The following PRKAR2A variants were observed in gnomAD, a reference collection of about 807,000 sequenced individuals.
The protein encoded by PRKAR2A is protein kinase cAMP-dependent type II regulatory subunit alpha.
A neutral mutation model predicts 51.9 loss-of-function variants in PRKAR2A; 29 were observed. The observed-to-expected ratio is 0.56, with a 90% CI of 0.42 to 0.76. The LOEUF is 0.76. PRKAR2A is among the 30% of genes least tolerant of loss of function. The pLI is 0.00. For missense variants in PRKAR2A, 445 were observed against 512.1 expected (o/e 0.87, Z 1.26); for synonymous variants, 178 against 186.2 (o/e 0.96, Z 0.36).
At chr3:48,845,402 G>A (rs1028562146) in intron 1 of PRKAR2A, among the ~76,000 whole-genome samples, 3 of 152,134 alleles carry the variant, frequency 2.0e-5, no homozygotes, top group Non-Finnish European at 4.4e-5. Context: ...AGCAATGACC[G>A]TTAATTAACT....
At chr3:48,785,417 G>A (rs1339518347) in intron 4 of PRKAR2A, among the ~76,000 whole-genome samples, 2 of 152,078 alleles carry the variant, frequency 1.3e-5, no homozygotes, top group Non-Finnish European at 2.9e-5. Flanking sequence ...GTGCCACCAT[G>A]CCCAGCTAAT....
intron 1 of PRKAR2A, among the ~76,000 whole-genome samples, chr3:48,808,498 C>T (rs1217792517): frequency 1.3e-5 from 2 of 152,162 alleles, no homozygotes; most frequent in Non-Finnish European, 2.9e-5. Context: ...CATGATCCAC[C>T]CACCTTGGCC....
chr3:48,791,285 T>TAAAA (rs35380085), intron 3 of PRKAR2A, among the ~76,000 whole-genome samples: 1 of 43,746 alleles, frequency 2.3e-5, no homozygotes, highest in Non-Finnish European at 4.3e-5. Flanking sequence ...GATTCCATCT[T>TAAAA]AAAAAAAAAA....
chr3:48,748,366 T>C lies in PRKAR2A; in HGVS notation c.*3219A>G, dbSNP rs1408590235. 6.7e-6 allele frequency: 1 copy of C among 150,210 alleles called. No individual in the cohort carries two copies. The highest frequency in any genetic ancestry group is 1.5e-5 in the Non-Finnish European group (1 of 67,736). 9.3% of individuals were successfully genotyped at this position (150,210 alleles called of 1,614,324 possible). On this transcript the variant is annotated 3_prime_UTR_variant, in exon 11 of 11. Transcript: ENST00000265563. ...CCAGGATGGTTTGGAACTCCTGGGCTCAAGCAATCCTCCCACTTTGGCTTC... is the reference window on the plus strand; with the variant it reads ...CCAGGATGGTTTGGAACTCCTGGGCCCAAGCAATCCTCCCACTTTGGCTTC...
At chr3:48,805,607 T>C (rs1463508923) in intron 2 of PRKAR2A, among the ~76,000 whole-genome samples, 1 of 152,304 alleles carries the variant, frequency 6.6e-6, no homozygotes, top group South Asian at 2.1e-4. Flanking sequence ...GGGATAATCA[T>C]GGTATGGGCC....
At position 48,768,348 on chromosome 3, in the gene PRKAR2A, C is replaced by T. The variant is rs1290217039; in HGVS notation, c.697-2999G>A. ...AGATAGATAGATAGATAGATATAGA[C>T]AGACAGAGAGACAGACAGACAGACA... is the stretch of plus-strand genomic sequence containing the variant. On this transcript the variant is annotated intron_variant, in intron 6 of 10. Transcript: ENST00000265563. Among the ~76,000 whole-genome samples, 194 of 137,994 alleles carry T rather than the reference C, an allele frequency of 1.4e-3. 3 individuals carry two copies. The South Asian group carries it at 0.038, about 27-fold the overall frequency. 90.5% of individuals were successfully genotyped at this position (137,994 alleles called of 152,430 possible).
At chr3:48,831,424 T>C (rs1215107457) in intron 1 of PRKAR2A, among the ~76,000 whole-genome samples, 1 of 141,494 alleles carries the variant, frequency 7.1e-6, no homozygotes. Context: ...TAGAGTGCAA[T>C]GGCATGATCA....
At chr3:48,754,241 CTT>C (rs1195616357) in intron 9 of PRKAR2A, among the ~76,000 whole-genome samples, 12 of 125,106 alleles carry the variant, frequency 9.6e-5, no homozygotes, top group South Asian at 2.6e-4. Flanking sequence ...CTACTTTTTT[CTT>C]TTTTTTTTTT....
Position 48,748,854 on chromosome 3 carries a change from T to C in PRKAR2A, c.*2731A>G, listed in dbSNP as rs1207248710. 1.3e-5 allele frequency: 2 copies of C among 152,230 alleles called. No individual in the cohort carries two copies. Among genetic ancestry groups the C allele is most frequent in the African/African-American group, 4.8e-5 (2 of 41,460 alleles). 9.4% of individuals were successfully genotyped at this position (152,230 alleles called of 1,614,324 possible). ...CTCAGAAAAATATGGGGTCACCACATGGGCTTTCCCAGTGCTAGCTGCCTG... is the reference window on the plus strand; with the variant it reads ...CTCAGAAAAATATGGGGTCACCACACGGGCTTTCCCAGTGCTAGCTGCCTG... On this transcript the variant is annotated 3_prime_UTR_variant, in exon 11 of 11. Coordinates refer to ENST00000265563, the MANE Select transcript of PRKAR2A (RefSeq NM_004157.4).
In PRKAR2A at chr3:48,771,490, C is replaced by T. The variant is rs935619335; in HGVS notation, c.696+1465G>A. On this transcript the variant is annotated intron_variant, in intron 6 of 10. Transcript: ENST00000265563. ...CACCAAAAACAATGTTATTTAATTT[C>T]TAAGTGTCTGGAGATCTGTTATTGA... 1.1e-4 allele frequency among the ~76,000 whole-genome samples: 16 copies of T among 152,140 alleles called. No homozygotes were observed. The East Asian group carries it at 3.1e-3, about 29-fold the overall frequency.
At chr3:48,745,174 CTTTT>C (rs111854982), downstream of PRKAR2A, among the ~76,000 whole-genome samples, 1 of 128,118 alleles carries the variant, frequency 7.8e-6, no homozygotes, top group Admixed American at 7.9e-5. Context: ...CGCACCCAGC[CTTTT>C]TTTTTTTTTT....
rs760883553 is a variant in PRKAR2A at position 48,840,567 on chromosome 3, C to CTT, written c.262+6766_262+6767dup. Among the ~76,000 whole-genome samples, 108 of 69,532 alleles carry CTT rather than the reference C, an allele frequency of 1.6e-3. 20 individuals carry two copies. Among genetic ancestry groups the CTT allele is most frequent in the African/African-American group, 1.8e-3 (37 of 20,080 alleles). The allele number at this position is 69,532 out of a possible 152,430, so 45.6% of individuals were successfully genotyped here. A position where few individuals can be genotyped will look rare whatever the true frequency, so the allele number is the denominator to read the frequency against. On this transcript the variant is annotated intron_variant, in intron 1 of 10. Transcript: ENST00000265563. ...ACCTGGATACCTGGTTTGTTTTCAC[C>CTT]TTTTTTTTTTTTTTTTTTTTTTTTT... is the stretch of plus-strand genomic sequence containing the variant.
Position 48,782,982 on chromosome 3 carries a change from C to T in PRKAR2A, c.542+4G>A, listed in dbSNP as rs768640819. ...CCACACAATTTCAAAGCTCCATCTCCTACCGTTCTATGACATAAAAGTTGT... is the reference window on the plus strand; with the variant it reads ...CCACACAATTTCAAAGCTCCATCTCTTACCGTTCTATGACATAAAAGTTGT... On this transcript the variant is annotated splice_donor_region_variant and intron_variant, in intron 5 of 10. Coordinates refer to ENST00000265563, the MANE Select transcript of PRKAR2A (RefSeq NM_004157.4). 2.7e-5 allele frequency: 43 copies of T among 1,586,354 alleles called. No individual in the cohort carries two copies. Among genetic ancestry groups the T allele is most frequent in the Non-Finnish European group, 3.6e-5 (42 of 1,155,026 alleles).
intron 1 of PRKAR2A, among the ~76,000 whole-genome samples, chr3:48,823,625 AT>A (rs200495345): frequency 6.6e-6 from 1 of 150,978 alleles, no homozygotes; most frequent in Non-Finnish European, 1.5e-5. Context: ...CTACAAAAAA[AT>A]TTTTTTTTAA....
At chr3:48,769,595 G>A (rs2081997317) in intron 6 of PRKAR2A, among the ~76,000 whole-genome samples, 1 of 152,030 alleles carries the variant, frequency 6.6e-6, no homozygotes, top group African/African-American at 2.4e-5. Flanking sequence ...TCCTGCCTTG[G>A]CTTCCAGAGT....
chr3:48,808,078 CG>C (rs2082704333), intron 1 of PRKAR2A, among the ~76,000 whole-genome samples: 1 of 132,994 alleles, frequency 7.5e-6, no homozygotes, highest in Non-Finnish European at 1.5e-5. Flanking sequence ...GACGGAGTCT[CG>C]CTCTGTAGCC....
chr3:48,774,381 T>C lies in PRKAR2A; in HGVS notation c.543-1273A>G, dbSNP rs372208276. On this transcript the variant is annotated intron_variant, in intron 5 of 10. Transcript: ENST00000265563. Reference sequence around the variant, plus strand: ...TTATCATGCTATAAAACATTAGAACTTGCCAGGTGCAGTGGCTCACACCTG... The same window carrying C: ...TTATCATGCTATAAAACATTAGAACCTGCCAGGTGCAGTGGCTCACACCTG... Among the ~76,000 whole-genome samples the C allele has an allele frequency of 7.2e-5, 11 of 152,112 alleles. No homozygotes were observed. In the East Asian group the frequency reaches 1.7e-3, roughly 24 times the overall value.
At chr3:48,837,219 G>A in intron 1 of PRKAR2A, among the ~76,000 whole-genome samples, 1 of 152,056 alleles carries the variant, frequency 6.6e-6, no homozygotes, top group East Asian at 1.9e-4. Context: ...AGCTATGGTG[G>A]CATGAGCCCA....
chr3:48,826,855 C>T (rs2083076447), intron 1 of PRKAR2A, among the ~76,000 whole-genome samples: 2 of 151,520 alleles, frequency 1.3e-5, no homozygotes, highest in Non-Finnish European at 2.9e-5. Context: ...AAACTCTCTA[C>T]TCCAGGTGAA....
Sources: gnomAD v4.1 joint callset for allele counts (sites outside exome capture counted in the v4.1 genomes callset) on GRCh38, gnomAD v4.1.1 for gene constraint, MANE v1.5 for transcripts, NCBI Gene and HGNC (gene_info 2026-07-23, HGNC 2026-07-21) for gene names.